HYDIN: variants seen among roughly 807,000 people sequenced by gnomAD.
HYDIN encodes axonemal central pair apparatus protein HYDIN.
A neutral mutation model predicts 403.9 loss-of-function variants in HYDIN; 132 were observed. The observed-to-expected ratio is 0.33, with a 90% CI of 0.28 to 0.38. The LOEUF (loss-of-function observed/expected upper bound fraction) is 0.38. Ranked by LOEUF, HYDIN falls within the 10% of genes least tolerant of loss-of-function variation. HYDIN has a pLI of 1.00. For missense variants in HYDIN, 2,827 were observed against 5,009.5 expected (o/e 0.56, Z 13.15); for synonymous variants, 1,202 against 1,891.7 (o/e 0.64, Z 9.46).
Position 71,062,193 on chromosome 16 carries a change from G to C in HYDIN, c.2352C>G (p.Ile784Met). 6.8e-7 allele frequency: 1 copy of C among 1,463,114 alleles called. No individual in the cohort carries two copies. The highest frequency in any genetic ancestry group is 9.4e-7 in the Non-Finnish European group (1 of 1,060,290). The allele number at this position is 1,463,114 out of a possible 1,614,324, so 90.6% of individuals were successfully genotyped here. The change falls in exon 17 of 86, where the codon ATC (isoleucine) becomes ATG (methionine). Residue 784 changes from isoleucine (I) to methionine (M), a missense_variant. Transcript: ENST00000393567. ...GEHRSTVYIS[I>M]FGSQDPPLVC... ...CCAAAGGGGGGTCCTGGCTCCCAAA[G>C]ATTGAGATGTAAACCGTGGATCTGT...
chr16:71,034,377 C>G (rs887391556), intron 18 of HYDIN, among the ~76,000 whole-genome samples: 3 of 152,112 alleles, frequency 2.0e-5, no homozygotes, highest in Non-Finnish European at 2.9e-5. Flanking sequence ...GTGACATAAA[C>G]GTACATTGCA....
chr16:71,229,945 G>C (rs1394307693), intron 1 of HYDIN, among the ~76,000 whole-genome samples: 2 of 152,108 alleles, frequency 1.3e-5, no homozygotes, highest in African/African-American at 4.8e-5. Context: ...GGGTTTTCCT[G>C]GGTTGTTCTC....
chr16:70,894,411 G>C (rs1774433), intron 55 of HYDIN, 38 bp downstream of exon 55: 1 of 1,610,882 alleles, frequency 6.2e-7, no homozygotes, highest in Non-Finnish European at 8.5e-7. Flanking sequence ...TCCCCACGGC[G>C]GACTTGATGG....
intron 3 of HYDIN, among the ~76,000 whole-genome samples, chr16:71,181,971 C>A (rs117428374): frequency 6.6e-6 from 1 of 152,108 alleles, no homozygotes; most frequent in Non-Finnish European, 1.5e-5. Context: ...GATAGGCAGT[C>A]AAGAGAAGGC....
At chr16:71,015,739 A>G in intron 23 of HYDIN, among the ~76,000 whole-genome samples, 1 of 147,634 alleles carries the variant, frequency 6.8e-6, no homozygotes, top group Non-Finnish European at 1.5e-5. Context: ...ACTGTCATAC[A>G]TAAGATGAGG....
chr16:71,187,442 T>G (rs1286718963), intron 1 of HYDIN, among the ~76,000 whole-genome samples: 1 of 152,144 alleles, frequency 6.6e-6, no homozygotes, highest in Non-Finnish European at 1.5e-5. Flanking sequence ...CCACCCAATA[T>G]CTCTGAATCA....
intron 23 of HYDIN, among the ~76,000 whole-genome samples, chr16:71,004,389 T>A (rs60193776): frequency 2.7e-5 from 4 of 149,918 alleles, no homozygotes; most frequent in African/African-American, 5.0e-5. Context: ...TGTCTTCATA[T>A]TTTAAAAAGT....
At chr16:71,185,024 T>G in intron 2 of HYDIN, 34 bp from the exon 3 acceptor site, 1 of 1,502,202 alleles carries the variant, frequency 6.7e-7, no homozygotes, top group Non-Finnish European at 9.0e-7. Flanking sequence ...CAAAGATTCT[T>G]AAGTGGATGT....
intron 1 of HYDIN, among the ~76,000 whole-genome samples, chr16:71,213,640 A>G (rs2088712188): frequency 6.6e-6 from 1 of 152,166 alleles, no homozygotes; most frequent in African/African-American, 2.4e-5. Flanking sequence ...AGTTATATTA[A>G]CATTAGCAAA....
chr16:70,842,035 A>C (rs1597097228), intron 75 of HYDIN, among the ~76,000 whole-genome samples: 1 of 150,648 alleles, frequency 6.6e-6, no homozygotes, highest in South Asian at 2.1e-4. Flanking sequence ...ATTTCTTTCC[A>C]TTGTGGTTGA....
intron 77 of HYDIN, among the ~76,000 whole-genome samples, chr16:70,836,322 G>A (rs2037423195): frequency 6.6e-6 from 1 of 152,192 alleles, no homozygotes; most frequent in African/African-American, 2.4e-5. Context: ...CTTCAGAGAG[G>A]TGGCCAGGTC....
chr16:70,881,336 C>T (rs1238450674), intron 60 of HYDIN, among the ~76,000 whole-genome samples: 3 of 141,492 alleles, frequency 2.1e-5, no homozygotes, highest in Non-Finnish European at 1.5e-5. Context: ...AGGCCGGGTG[C>T]GGTGGCTCAT....
At position 71,207,791 on chromosome 16, in the gene HYDIN, G is replaced by C. The variant is rs1290514839; in HGVS notation, c.-23-20873C>G. 5.9e-5 allele frequency among the ~76,000 whole-genome samples: 9 copies of C among 152,162 alleles called. No homozygotes were observed. In the East Asian group the frequency reaches 1.4e-3, roughly 23 times the overall value. On this transcript the variant is annotated intron_variant, in intron 1 of 85. Transcript: ENST00000393567. ...TGCAATACTAATTTCAGACAAAACA[G>C]ACTTTAAACCAACAAAGATCAAAAA...
chr16:71,054,556 A>C (rs1305568714), intron 18 of HYDIN, among the ~76,000 whole-genome samples: 4 of 152,186 alleles, frequency 2.6e-5, no homozygotes, highest in African/African-American at 9.7e-5. Context: ...CCCAGTATGC[A>C]GGGGTGATGC....
intron 41 of HYDIN, among the ~76,000 whole-genome samples, chr16:70,950,091 T>A (rs2078017637): frequency 7.0e-6 from 1 of 142,798 alleles, no homozygotes; most frequent in South Asian, 2.3e-4. Context: ...AAGACTGAAG[T>A]GACAATCAGA....
intron 30 of HYDIN, among the ~76,000 whole-genome samples, chr16:70,976,576 A>G (rs992352776): frequency 4.0e-5 from 6 of 151,104 alleles, no homozygotes; most frequent in Non-Finnish European, 7.4e-5. Flanking sequence ...TGTGGCTTGT[A>G]CAAATGTCAA....
intron 5 of HYDIN, among the ~76,000 whole-genome samples, chr16:71,165,225 C>G (rs955556479): frequency 6.6e-6 from 1 of 151,258 alleles, no homozygotes; most frequent in Non-Finnish European, 1.5e-5. Context: ...CCCATCGTTT[C>G]TCTGGCCACA....
At chr16:70,926,442 C>G (rs2077155557) in intron 45 of HYDIN, among the ~76,000 whole-genome samples, 2 of 151,550 alleles carry the variant, frequency 1.3e-5, no homozygotes, top group Admixed American at 6.6e-5. Context: ...AGGGGAACCT[C>G]ACACTCTGGG....
In HYDIN at chr16:71,062,289, G is replaced by A. The variant is rs1312761128; in HGVS notation, c.2256C>T (p.Pro752=). Residue 752 remains proline, a synonymous_variant, in exon 17 of 86, where the codon CCC becomes CCT. Coordinates refer to ENST00000393567, the MANE Select transcript of HYDIN (RefSeq NM_001270974.2). ...TGCTGCTTGGGGAGATGACCCCGCT[G>A]GGGGTGGGGCTGGAAAACAGCACAG... ...VPTVLFSSPT[P]SGVISPSSTI... 11 of 1,574,622 alleles carry A rather than the reference G, an allele frequency of 7.0e-6. No homozygotes were observed. Among genetic ancestry groups the A allele is most frequent in the Non-Finnish European group, 8.6e-6 (10 of 1,157,710 alleles).
Sources: allele counts gnomAD v4.1 joint callset (sites outside exome capture counted in the v4.1 genomes callset), GRCh38; gene constraint gnomAD v4.1.1; transcripts MANE v1.5; gene names NCBI Gene and HGNC (gene_info 2026-07-23, HGNC 2026-07-21).